MCMBP: variants seen among roughly 807,000 people sequenced by gnomAD.
MCMBP encodes the protein minichromosome maintenance complex binding protein.
In MCMBP, 31 loss-of-function variants were observed where a neutral mutation model predicts 81.3. The observed-to-expected ratio is 0.38, with a 90% CI of 0.29 to 0.51. MCMBP has a LOEUF of 0.51. Among genes scored for constraint, MCMBP ranks in the 20% least tolerant of loss-of-function variants. MCMBP has a pLI of 0.87. For missense variants in MCMBP, 645 were observed against 772.1 expected, an observed-to-expected ratio of 0.84 and a Z score of 1.95; for synonymous variants, 267 against 275.9, an observed-to-expected ratio of 0.97 and a Z score of 0.32.
At chr10:119,866,796 C>G (rs1242783173) in intron 1 of MCMBP, among the ~76,000 whole-genome samples, 1 of 152,080 alleles carries the variant, frequency 6.6e-6, no homozygotes, top group East Asian at 1.9e-4. Flanking sequence ...AACACCATCT[C>G]TACGAAAATA....
At chr10:119,851,437 C>A (rs1007460189) in intron 6 of MCMBP, among the ~76,000 whole-genome samples, 1 of 152,052 alleles carries the variant, frequency 6.6e-6, no homozygotes, top group African/African-American at 2.4e-5. Flanking sequence ...ATATAAGTTA[C>A]TATGATATTT....
intron 10 of MCMBP, among the ~76,000 whole-genome samples, chr10:119,842,171 C>T (rs1223448631): frequency 6.6e-6 from 1 of 152,164 alleles, no homozygotes; most frequent in African/African-American, 2.4e-5. Flanking sequence ...AAACCATCCC[C>T]ACTCCGGTCC....
intron 12 of MCMBP, among the ~76,000 whole-genome samples, chr10:119,838,207 A>G (rs1461768736): frequency 6.7e-6 from 1 of 148,944 alleles, no homozygotes; most frequent in Non-Finnish European, 1.5e-5. Context: ...CCTTTATATT[A>G]TTGCTCCATT....
chr10:119,831,948 G>C, intron 15 of MCMBP, 64 bp downstream of exon 15: 1 of 1,440,014 alleles, frequency 6.9e-7, no homozygotes. Flanking sequence ...AGTTACTGCT[G>C]AATAACTCAG....
At position 119,858,924 on chromosome 10, in the gene MCMBP, A is replaced by C; in HGVS notation, c.287T>G (p.Val96Gly). 1 of 1,612,468 alleles carries C rather than the reference A, an allele frequency of 6.2e-7. No homozygotes were observed. Among genetic ancestry groups the C allele is most frequent in the Non-Finnish European group, 8.5e-7 (1 of 1,179,018 alleles). ...ETVNQNTKAH[V>G]LHFGKYRDVA... ...ATCTCTATATTTTCCAAAATGAAGA[A>C]CCTATGACCCCAAACATAGAAAAAC... Residue 96 changes from valine (V) to glycine (G), a missense_variant and splice_region_variant, in exon 4 of 16, where the codon GTT (valine) becomes GGT (glycine). Transcript: ENST00000369077.
At chr10:119,858,006 T>C (rs1035705194) in intron 4 of MCMBP, 1 of 152,310 alleles carries the variant, frequency 6.6e-6, no homozygotes, top group Non-Finnish European at 1.5e-5. Flanking sequence ...TTACACATGA[T>C]GAACTTCAGG....
chr10:119,857,305 TCAA>T, intron 5 of MCMBP, 30 bp downstream of exon 5: 1 of 1,471,838 alleles, frequency 6.8e-7, no homozygotes, highest in Non-Finnish European at 9.4e-7. Flanking sequence ...TTAGAAACCA[TCAA>T]CACAGTAAGA....
rs1851951576 is a variant in MCMBP, at chr10:119,830,072, CATTTGTTTAT to C, written c.*1392_*1401del. On this transcript the variant is annotated 3_prime_UTR_variant, in exon 16 of 16. Transcript: ENST00000369077. ...TCAACTCTAATATAAACATTATTTA[CATTTGTTTAT>C]AAAAATAGATTTGAGTTTAGGAAAA... 6.6e-6 allele frequency: 1 copy of C among 152,588 alleles called. No homozygotes were observed. The highest frequency in any genetic ancestry group is 2.4e-5 in the African/African-American group (1 of 41,444). The allele number at this position is 152,588 out of a possible 1,614,324, so 9.5% of individuals were successfully genotyped here.
chr10:119,831,745 A>AAGTT, intron 15 of MCMBP, 145 bp from the exon 16 acceptor site: 4 of 996,854 alleles, frequency 4.0e-6, no homozygotes, highest in African/African-American at 1.6e-5. Context: ...GTCAACAGCC[A>AAGTT]AGTTAGGCTT....
intron 5 of MCMBP, among the ~76,000 whole-genome samples, chr10:119,853,641 A>AG (rs1475315457): frequency 6.6e-6 from 1 of 152,236 alleles, no homozygotes; most frequent in Non-Finnish European, 1.5e-5. Flanking sequence ...AGTACTAGAA[A>AG]GGAAGTAGTT....
intron 1 of MCMBP, among the ~76,000 whole-genome samples, chr10:119,866,929 C>G (rs1226662289): frequency 6.6e-6 from 1 of 151,872 alleles, no homozygotes; most frequent in African/African-American, 2.4e-5. Context: ...TGCCACTGCA[C>G]TCTAGCCTGG....
At chr10:119,843,043 G>C (rs779676453) in intron 9 of MCMBP, 11 of 542,542 alleles carry the variant, frequency 2.0e-5, no homozygotes, top group Non-Finnish European at 3.6e-5. Context: ...GTGAGCCACT[G>C]CACCCAGCCT....
intron 14 of MCMBP, among the ~76,000 whole-genome samples, chr10:119,832,613 A>G (rs1476644070): frequency 6.6e-6 from 1 of 152,050 alleles, no homozygotes; most frequent in African/African-American, 2.4e-5. Context: ...CCTGGCAGCC[A>G]CCGGAGAGAG....
chr10:119,867,922 G>A (rs1389290960), intron 1 of MCMBP, among the ~76,000 whole-genome samples: 1 of 152,148 alleles, frequency 6.6e-6, no homozygotes, highest in Non-Finnish European at 1.5e-5. Flanking sequence ...GATTCATGGT[G>A]ATAATAAAAA....
rs372338008 is a variant in MCMBP at position 119,867,292 on chromosome 10, C to CA, written c.58+5234dup. On this transcript the variant is annotated intron_variant, in intron 1 of 15. Transcript: ENST00000369077. ...TGGGCGACAGAGCGAGACTCCATCT[C>CA]AAAAAAAAAAAAAAAAAAAAAAAAA... 2.1e-3 allele frequency among the ~76,000 whole-genome samples: 104 copies of CA among 48,718 alleles called. 7 individuals are homozygous for CA. The South Asian group carries it at 0.026, about 12-fold the overall frequency. The allele number at this position is 48,718 out of a possible 152,430, so 32.0% of individuals were successfully genotyped here. A position where few individuals can be genotyped will look rare whatever the true frequency, so the allele number is the denominator to read the frequency against.
At position 119,858,493 on chromosome 10, in the gene MCMBP, G is replaced by A. The variant is rs145136382; in HGVS notation, c.327+391C>T. 3.1e-3 allele frequency among the ~76,000 whole-genome samples: 473 copies of A among 151,728 alleles called. 1 individual carries two copies. Among genetic ancestry groups the A allele is most frequent in the African/African-American group, 0.011 (455 of 41,338 alleles). The stretch of plus-strand genomic sequence containing the variant: ...TTGAATCTCATCTCCGAGCTACCTA[G>A]GAATGAATATTTCATTAAATTTCTG... On this transcript the variant is annotated intron_variant, in intron 4 of 15. Coordinates refer to ENST00000369077, the MANE Select transcript of MCMBP (RefSeq NM_001256378.2).
At chr10:119,861,468 C>T (rs1193067333) in intron 1 of MCMBP, among the ~76,000 whole-genome samples, 1 of 152,098 alleles carries the variant, frequency 6.6e-6, no homozygotes. Context: ...AAAAAGCCCT[C>T]TATGTGACTG....
At chr10:119,842,672 C>A (rs529147984) in intron 9 of MCMBP, 77 bp from the exon 10 acceptor site, 5 of 1,501,040 alleles carry the variant, frequency 3.3e-6, no homozygotes, top group East Asian at 2.3e-5. Context: ...AAAATAACTA[C>A]GTGAGCAAAG....
Position 119,872,065 on chromosome 10 carries a change from C to A in MCMBP, c.58+462G>T, listed in dbSNP as rs998278369. ...ACAGGAGTTAGAACCAACTTCTGTG[C>A]AAGCGAGCACTCCCCGACGCACCGG... On this transcript the variant is annotated intron_variant, in intron 1 of 15. Coordinates refer to ENST00000369077, the MANE Select transcript of MCMBP (RefSeq NM_001256378.2). 5.3e-5 allele frequency among the ~76,000 whole-genome samples: 8 copies of A among 152,302 alleles called. No individual in the cohort carries two copies. The South Asian group carries it at 1.0e-3, about 20-fold the overall frequency.
Sources: gnomAD v4.1 joint callset for allele counts (sites outside exome capture counted in the v4.1 genomes callset) on GRCh38, gnomAD v4.1.1 for gene constraint, MANE v1.5 for transcripts, NCBI Gene and HGNC (gene_info 2026-07-23, HGNC 2026-07-21) for gene names.